SVOP: variants seen among roughly 807,000 people sequenced by gnomAD.
SVOP encodes synaptic vesicle 2-related protein.
SVOP carries 17 observed loss-of-function variants against 69.1 expected under a neutral mutation model. That is an observed-to-expected ratio of 0.25 (90% CI 0.17 to 0.37). The LOEUF (loss-of-function observed/expected upper bound fraction) is 0.37, where lower values mean the gene tolerates loss of function less well. SVOP is among the 10% of genes least tolerant of loss of function. The pLI, the probability that SVOP is intolerant of heterozygous loss-of-function variation, is 1.00. For synonymous variants in SVOP, 238 were observed against 238.6 expected (o/e 1.00, Z 0.02); for missense variants, 435 against 597.5 (o/e 0.73, Z 2.84).
chr12:108,976,327 A>G (rs2040106109), intron 4 of SVOP, among the ~76,000 whole-genome samples: 1 of 152,090 alleles, frequency 6.6e-6, no homozygotes, highest in Non-Finnish European at 1.5e-5. Context: ...AGTTATCTAC[A>G]AAAAACAACA....
At position 108,938,865 on chromosome 12, in the gene SVOP, C is replaced by T. The variant is rs2039871865; in HGVS notation, c.859G>A (p.Ala287Thr). The T allele has an allele frequency of 1.2e-6, 2 of 1,614,026 alleles. No individual in the cohort carries two copies. Residue 287 changes from alanine to threonine, a missense_variant, in exon 9 of 16, where the codon GCT (alanine) becomes ACT (threonine). Transcript: ENST00000610966. ...TLKRIATENG[A>T]PMPLGKLIIS... is the part of the protein sequence containing the mutation. Reference sequence around the variant, plus strand: ...ATGAGTTTCCCCAGCGGCATGGGAGCTCCGTTTTCAGTTGCTATCCTCTTT... The same window carrying T: ...ATGAGTTTCCCCAGCGGCATGGGAGTTCCGTTTTCAGTTGCTATCCTCTTT...
intron 1 of SVOP, among the ~76,000 whole-genome samples, chr12:109,019,164 G>A (rs1429804751): frequency 1.3e-5 from 2 of 152,128 alleles, no homozygotes; most frequent in African/African-American, 2.4e-5. Context: ...AAAGAAAGGA[G>A]ACTTACTCTT....
chr12:108,928,964 A>G (rs1254152317), intron 11 of SVOP, among the ~76,000 whole-genome samples: 1 of 152,184 alleles, frequency 6.6e-6, no homozygotes, highest in East Asian at 1.9e-4. Context: ...CTCCAAAGAC[A>G]CAGGGACAGA....
In SVOP at chr12:108,911,504, T is replaced by A. The variant is rs1384352919; in HGVS notation, c.*1031A>T. 6.6e-6 allele frequency: 1 copy of A among 151,868 alleles called. No individual in the cohort carries two copies. Among genetic ancestry groups the A allele is most frequent in the Non-Finnish European group, 1.5e-5 (1 of 68,048 alleles). 9.4% of individuals were successfully genotyped at this position (151,868 alleles called of 1,614,324 possible). ...CGGGTGGATCACTTGAGGTCAGGAG[T>A]TCGAGACCAGCCTGGCCAACATGGT... On this transcript the variant is annotated 3_prime_UTR_variant, in exon 16 of 16. Transcript: ENST00000610966.
chr12:108,991,977 T>A (rs1240939218), intron 1 of SVOP, among the ~76,000 whole-genome samples: 2 of 152,070 alleles, frequency 1.3e-5, no homozygotes, highest in Non-Finnish European at 2.9e-5. Context: ...AAAGTAGGTA[T>A]TTAGTTACGG....
intron 10 of SVOP, among the ~76,000 whole-genome samples, chr12:108,934,657 T>C (rs900740496): frequency 6.6e-6 from 1 of 152,164 alleles, no homozygotes; most frequent in Non-Finnish European, 1.5e-5. Flanking sequence ...ACCTTGCTGA[T>C]AAAGCAGGTT....
intron 1 of SVOP, among the ~76,000 whole-genome samples, chr12:109,009,575 G>C (rs1387712140): frequency 6.6e-6 from 1 of 151,812 alleles, no homozygotes; most frequent in African/African-American, 2.4e-5. Flanking sequence ...ACCACGCCCA[G>C]CTAATTTTTG....
rs894244744 is a variant in SVOP at position 108,912,383 on chromosome 12, G to A, written c.*152C>T. On this transcript the variant is annotated 3_prime_UTR_variant, in exon 16 of 16. Transcript: ENST00000610966. ...CCTGGGTGGACCTCAATGAAGATGA[G>A]CAAACTGAGTCAAGACACAAAACCC... The A allele has an allele frequency of 1.1e-5, 16 of 1,501,444 alleles. No individual in the cohort carries two copies. The highest frequency in any genetic ancestry group is 2.3e-5 in the East Asian group (1 of 43,436). The allele number at this position is 1,501,444 out of a possible 1,614,324, so 93.0% of individuals were successfully genotyped here.
At chr12:108,951,587 T>C (rs543014491) in intron 6 of SVOP, among the ~76,000 whole-genome samples, 1 of 152,304 alleles carries the variant, frequency 6.6e-6, no homozygotes, top group Admixed American at 6.5e-5. Context: ...TACATGTGAT[T>C]CCTCTTATCT....
At chr12:108,998,009 C>T (rs1273474956) in intron 1 of SVOP, among the ~76,000 whole-genome samples, 28 of 149,456 alleles carry the variant, frequency 1.9e-4, no homozygotes, top group Admixed American at 6.7e-4. Flanking sequence ...GATCAAATTA[C>T]TCTGAGCTAC....
chr12:108,980,907 A>G (rs2040132201), intron 2 of SVOP, among the ~76,000 whole-genome samples: 1 of 152,186 alleles, frequency 6.6e-6, no homozygotes, highest in Non-Finnish European at 1.5e-5. Flanking sequence ...CCTGGGTGAC[A>G]GAGTGAGTTT....
chr12:109,009,834 G>A (rs2040331052), intron 1 of SVOP, among the ~76,000 whole-genome samples: 1 of 152,152 alleles, frequency 6.6e-6, no homozygotes, highest in African/African-American at 2.4e-5. Context: ...GGTAGAGGAG[G>A]CCAGAAATGC....
Position 108,940,823 on chromosome 12 carries a change from G to A in SVOP, c.729C>T (p.Leu243=). ...PSLGWRWLLI[L]SAVPLLLFAV... is the part of the protein sequence containing the mutation. The stretch of plus-strand genomic sequence containing the variant: ...CAAAGAGGAGGAGCGGGACAGCTGA[G>A]AGGATGAGCAGCCAACGCCAGCCCA... The change falls in exon 8 of 16, where the codon CTC becomes CTT. Residue 243 remains leucine, a synonymous_variant. Transcript: ENST00000610966. 1 of 1,537,262 alleles carries A rather than the reference G, an allele frequency of 6.5e-7. No individual in the cohort carries two copies. Among genetic ancestry groups the A allele is most frequent in the Non-Finnish European group, 8.7e-7 (1 of 1,146,904 alleles).
chr12:108,937,742 C>T (rs2039864782), intron 9 of SVOP, among the ~76,000 whole-genome samples: 1 of 152,172 alleles, frequency 6.6e-6, no homozygotes, highest in African/African-American at 2.4e-5. Context: ...AGTTAATGTG[C>T]TGAGAAACTA....
intron 1 of SVOP, among the ~76,000 whole-genome samples, chr12:108,998,451 A>T (rs1029670133): frequency 1.3e-5 from 2 of 152,104 alleles, no homozygotes; most frequent in Non-Finnish European, 2.9e-5. Context: ...GATTCAGGAA[A>T]TACAGAGAAT....
chr12:108,922,772 C>A lies in SVOP; in HGVS notation c.1074G>T (p.Glu358Asp). The A allele has an allele frequency of 1.2e-6, 2 of 1,609,874 alleles. No homozygotes were observed. The highest frequency in any genetic ancestry group is 1.7e-6 in the Non-Finnish European group (2 of 1,178,370). Reference protein sequence around the residue: ...CGISSRKKAVEAKCSLACEYL... With the variant: ...CGISSRKKAVDAKCSLACEYL... ...ACTCGCAGGCCAGGCTGCATTTTGC[C>A]TCTACAGCCTTCTTCCGACTGGAGA... Residue 358 changes from glutamate (E) to aspartate (D), a missense_variant, in exon 12 of 16, where the codon GAG (glutamate) becomes GAT (aspartate). Transcript: ENST00000610966.
chr12:108,973,601 G>A (rs1413939573), intron 4 of SVOP, among the ~76,000 whole-genome samples: 1 of 151,962 alleles, frequency 6.6e-6, no homozygotes, highest in African/African-American at 2.4e-5. Flanking sequence ...ATCTCACTTC[G>A]TTGTCCAGGT....
rs1339594397 is a variant in SVOP, at chr12:108,940,779, C to T, written c.768+5G>A. 6.5e-7 allele frequency: 1 copy of T among 1,536,924 alleles called. No homozygotes were observed. Among genetic ancestry groups the T allele is most frequent in the Non-Finnish European group, 8.7e-7 (1 of 1,146,718 alleles). On this transcript the variant is annotated splice_donor_5th_base_variant and intron_variant, in intron 8 of 15. Transcript: ENST00000610966. ...AAAAGGTGAAATCTCTTAAAGGATACCTACGAAACACAGCACGGCAAAGAG... is the reference window on the plus strand; with the variant it reads ...AAAAGGTGAAATCTCTTAAAGGATATCTACGAAACACAGCACGGCAAAGAG...
intron 1 of SVOP, among the ~76,000 whole-genome samples, chr12:109,009,069 C>T (rs2040326527): frequency 7.0e-6 from 1 of 142,208 alleles, no homozygotes; most frequent in Non-Finnish European, 1.5e-5. Flanking sequence ...TCAAGAGATT[C>T]TCATGCTTCA....
Sources: allele counts gnomAD v4.1 joint callset (sites outside exome capture counted in the v4.1 genomes callset), GRCh38; gene constraint gnomAD v4.1.1; transcripts MANE v1.5; gene names NCBI Gene and HGNC (gene_info 2026-07-23, HGNC 2026-07-21).